Variants in FOXN3 observed in about 807,000 individuals in gnomAD.
FOXN3 encodes forkhead box N3, also known as forkhead box protein N3.
In FOXN3, 7 loss-of-function variants were observed where a neutral mutation model predicts 38.4. The ratio of observed to expected loss-of-function variants is 0.18; its 90% confidence interval spans 0.10 to 0.34. FOXN3 has a LOEUF of 0.34. Ranked by LOEUF, FOXN3 falls within the 10% of genes least tolerant of loss-of-function variation. FOXN3 has a pLI of 1.00. For missense variants in FOXN3, 456 were observed against 613.4 expected, an observed-to-expected ratio of 0.74 and a Z score of 2.71; for synonymous variants, 230 against 242.2, an observed-to-expected ratio of 0.95 and a Z score of 0.47.
At chr14:89,401,862 C>T (rs538184732) in intron 2 of FOXN3, among the ~76,000 whole-genome samples, 10 of 152,324 alleles carry the variant, frequency 6.6e-5, no homozygotes, top group African/African-American at 2.4e-4. Flanking sequence ...GGAAATCCCA[C>T]ACACCCTGTG....
chr14:89,445,872 G>C (rs557051516), intron 1 of FOXN3, among the ~76,000 whole-genome samples: 1 of 151,936 alleles, frequency 6.6e-6, no homozygotes, highest in East Asian at 1.9e-4. Flanking sequence ...CTTGAGCCCA[G>C]GAGTTTGAGA....
intron 1 of FOXN3, among the ~76,000 whole-genome samples, chr14:89,597,055 G>C (rs1283742623): frequency 6.6e-6 from 1 of 151,942 alleles, no homozygotes; most frequent in Non-Finnish European, 1.5e-5. Flanking sequence ...TTAATGCTTA[G>C]GTTATTTTTA....
intron 2 of FOXN3, among the ~76,000 whole-genome samples, chr14:89,398,289 T>C (rs1216315546): frequency 6.6e-6 from 1 of 152,234 alleles, no homozygotes; most frequent in Non-Finnish European, 1.5e-5. Context: ...TGCGGGCTAG[T>C]GCATAACAGT....
intron 3 of FOXN3, among the ~76,000 whole-genome samples, chr14:89,321,290 A>G (rs2139972528): frequency 6.6e-6 from 1 of 151,912 alleles, no homozygotes; most frequent in South Asian, 2.1e-4. Context: ...CAAAAAATAT[A>G]TTAAAAAATA....
At chr14:89,318,721 G>A (rs1038393336) in intron 3 of FOXN3, among the ~76,000 whole-genome samples, 4 of 152,326 alleles carry the variant, frequency 2.6e-5, no homozygotes, top group South Asian at 4.1e-4. Flanking sequence ...GGACACTAAT[G>A]CACAGACAGG....
rs150767416 is a variant in FOXN3, at chr14:89,554,524, T to A, written c.-15+64504A>T. On this transcript the variant is annotated intron_variant, in intron 1 of 6. Coordinates refer to the FOXN3 transcript ENST00000345097. Reference sequence around the variant, plus strand: ...GTTCACTTTTGGTTTTCCATTTACTTTTGTTCTGTTACAATTTTTTAAAAT... The same window carrying A: ...GTTCACTTTTGGTTTTCCATTTACTATTGTTCTGTTACAATTTTTTAAAAT... 6.2e-4 allele frequency among the ~76,000 whole-genome samples: 95 copies of A among 152,320 alleles called. 1 individual carries two copies. The highest frequency in any genetic ancestry group is 2.2e-3 in the African/African-American group (92 of 41,580).
chr14:89,570,709 A>C (rs1183094101), intron 1 of FOXN3, among the ~76,000 whole-genome samples: 2 of 150,896 alleles, frequency 1.3e-5, no homozygotes, highest in Admixed American at 1.3e-4. Flanking sequence ...TTAGCTCATT[A>C]GCTATCATTA....
At chr14:89,280,134 T>C (rs1886415076) in intron 4 of FOXN3, among the ~76,000 whole-genome samples, 1 of 152,174 alleles carries the variant, frequency 6.6e-6, no homozygotes, top group Admixed American at 6.5e-5. Context: ...GTAGGAGGGA[T>C]AGAAAGCTCG....
chr14:89,569,473 C>T (rs1262014686), intron 1 of FOXN3, among the ~76,000 whole-genome samples: 1 of 152,174 alleles, frequency 6.6e-6, no homozygotes, highest in Non-Finnish European at 1.5e-5. Context: ...CTCCATGAGG[C>T]GGCTGTGTGA....
chr14:89,343,366 T>C (rs963933945), intron 3 of FOXN3, among the ~76,000 whole-genome samples: 10 of 152,134 alleles, frequency 6.6e-5, no homozygotes, highest in African/African-American at 2.2e-4. Context: ...AGCCTCACTA[T>C]GACAGCCAAA....
intron 2 of FOXN3, among the ~76,000 whole-genome samples, chr14:89,360,813 T>TCCACCACCACCTCCACCACCACCA (rs1889517357): frequency 1.9e-5 from 1 of 52,462 alleles, no homozygotes; most frequent in Non-Finnish European, 3.3e-5. Flanking sequence ...CAGCACCACC[T>TCCACCACCACCTCCACCACCACCA]CCACCACCAC....
rs1053822040 is a variant in FOXN3 at position 89,548,987 on chromosome 14, C to A, written c.-15+70041G>T. On this transcript the variant is annotated intron_variant, in intron 1 of 6. Coordinates refer to the FOXN3 transcript ENST00000345097. The surrounding 1 kb of genome is among the most constrained non-coding windows in gnomAD (Gnocchi z 4.8). The stretch of plus-strand genomic sequence containing the variant: ...TACAAAAATTAGCCAGGCGTAGTGG[C>A]CGGTGCTTGTAATCCCAGCTACTCG... Among the ~76,000 whole-genome samples, 1 of 151,894 alleles carries A rather than the reference C, an allele frequency of 6.6e-6. No homozygotes were observed. Among genetic ancestry groups the A allele is most frequent in the Non-Finnish European group, 1.5e-5 (1 of 67,992 alleles).
At chr14:89,478,184 T>C (rs1216564120) in intron 1 of FOXN3, among the ~76,000 whole-genome samples, 1 of 152,106 alleles carries the variant, frequency 6.6e-6, no homozygotes, top group Non-Finnish European at 1.5e-5. Flanking sequence ...CCCTCACCTC[T>C]TTCTCCCATT....
intron 2 of FOXN3, among the ~76,000 whole-genome samples, chr14:89,379,615 T>C (rs1414496741): frequency 2.6e-5 from 4 of 152,110 alleles, no homozygotes; most frequent in Admixed American, 6.5e-5. Flanking sequence ...ATAAGCTCAA[T>C]TCATTTTATT....
intron 4 of FOXN3, among the ~76,000 whole-genome samples, chr14:89,210,987 C>T (rs1884075747): frequency 6.6e-6 from 1 of 152,186 alleles, no homozygotes; most frequent in South Asian, 2.1e-4. Context: ...TCCATCTAGA[C>T]ATGTTGCAAA....
At chr14:89,592,399 G>A (rs917968719) in intron 1 of FOXN3, among the ~76,000 whole-genome samples, 3 of 151,256 alleles carry the variant, frequency 2.0e-5, no homozygotes, top group Non-Finnish European at 2.9e-5. Context: ...CTGTTTAAAT[G>A]TACAGCAGAA....
intron 4 of FOXN3, among the ~76,000 whole-genome samples, chr14:89,240,699 G>A (rs1453949200): frequency 6.6e-6 from 1 of 152,236 alleles, no homozygotes; most frequent in Non-Finnish European, 1.5e-5. Context: ...GTTACCTCCG[G>A]GGAGGAGGTT....
chr14:89,182,771 G>A lies in FOXN3; in HGVS notation c.746-1965C>T, dbSNP rs564766505. On this transcript the variant is annotated intron_variant, in intron 4 of 5. Coordinates refer to ENST00000557258, the MANE Select transcript of FOXN3 (RefSeq NM_005197.4). ...CCAGGACACTCTCATACTGGCGTAA[G>A]TCTAGACATATAGACCAATCGAACA... 4.1e-4 allele frequency among the ~76,000 whole-genome samples: 62 copies of A among 152,310 alleles called. 1 individual carries two copies. Among genetic ancestry groups the A allele is most frequent in the African/African-American group, 1.5e-3 (62 of 41,562 alleles).
At chr14:89,269,545 C>A (rs1216063102) in intron 4 of FOXN3, among the ~76,000 whole-genome samples, 1 of 151,580 alleles carries the variant, frequency 6.6e-6, no homozygotes, top group East Asian at 1.9e-4. Context: ...GGAACTTGAC[C>A]TTCACTGGCT....
Sources: allele counts gnomAD v4.1 joint callset (sites outside exome capture counted in the v4.1 genomes callset), GRCh38; gene constraint gnomAD v4.1.1; non-coding constraint Gnocchi (gnomAD v3.1); transcripts MANE v1.5; gene names NCBI Gene and HGNC (gene_info 2026-07-23, HGNC 2026-07-21).